The following NRG1 variants were observed in gnomAD, a reference collection of about 807,000 sequenced individuals.
The protein encoded by NRG1 is pro-neuregulin-1, membrane-bound isoform.
In NRG1, 18 loss-of-function variants were observed where a neutral mutation model predicts 63.8. That is an observed-to-expected ratio of 0.28 (90% confidence interval 0.19 to 0.42). The LOEUF is 0.42. Ranked by LOEUF, NRG1 falls within the 10% of genes least tolerant of loss-of-function variation. The pLI is 1.00. For missense variants in NRG1, 762 were observed against 814.7 expected (o/e 0.94, Z 0.79); for synonymous variants, 302 against 301.3 (o/e 1.00, Z -0.02).
chr8:31,837,717 A>G (rs1825818436), intron 1 of NRG1, among the ~76,000 whole-genome samples: 1 of 152,096 alleles, frequency 6.6e-6, no homozygotes, highest in Non-Finnish European at 1.5e-5. Flanking sequence ...ATTCTACATG[A>G]GTGAGATCAT....
At chr8:32,510,391 A>G (rs1829037000) in intron 1 of NRG1, among the ~76,000 whole-genome samples, 1 of 151,948 alleles carries the variant, frequency 6.6e-6, no homozygotes, top group Admixed American at 6.6e-5. Context: ...AAAGGAGGAA[A>G]GGAAGAAAAT....
Position 32,618,039 on chromosome 8 carries a change from G to A in NRG1, c.502+1154G>A, listed in dbSNP as rs558492196. Among the ~76,000 whole-genome samples the A allele has an allele frequency of 2.8e-4, 42 of 152,164 alleles. No homozygotes were observed. The South Asian group carries it at 5.2e-3, about 19-fold the overall frequency. ...AAACAGGAAATGAAATGCTAGAAAG[G>A]GCCAAATTAGTTTCCTATGTGTTCC... On this transcript the variant is annotated intron_variant, in intron 5 of 11. Coordinates refer to ENST00000356819, the Ensembl canonical transcript of NRG1.
intron 1 of NRG1, among the ~76,000 whole-genome samples, chr8:31,819,257 C>T (rs1217410829): frequency 6.6e-6 from 1 of 151,880 alleles, no homozygotes; most frequent in Non-Finnish European, 1.5e-5. Flanking sequence ...AAAATAAATT[C>T]GGAAAGAATT....
intron 5 of NRG1, among the ~76,000 whole-genome samples, chr8:32,678,485 A>G (rs1245102544): frequency 6.6e-6 from 1 of 152,108 alleles, no homozygotes; most frequent in African/African-American, 2.4e-5. Context: ...GTAGGAAATG[A>G]CTAGTGTTGA....
chr8:32,231,953 G>A (rs1847002164), intron 1 of NRG1, among the ~76,000 whole-genome samples: 1 of 151,782 alleles, frequency 6.6e-6, no homozygotes, highest in Non-Finnish European at 1.5e-5. Flanking sequence ...ACCCAGACTG[G>A]AGTGCAGTGG....
Position 31,702,451 on chromosome 8 carries a change from A to ATTT in NRG1, c.37+63031_37+63033dup, listed in dbSNP as rs10685166. 1.6e-3 allele frequency among the ~76,000 whole-genome samples: 241 copies of ATTT among 146,622 alleles called. 1 individual carries two copies. Among genetic ancestry groups the ATTT allele is most frequent in the Admixed American group, 5.7e-3 (84 of 14,782 alleles). ...AAAACTACCTAAAATTTCCCATAACATTTTTTTTTTTTTGCAGACTTTTCA... is the reference window on the plus strand; with the variant it reads ...AAAACTACCTAAAATTTCCCATAACATTTTTTTTTTTTTTTTGCAGACTTTTCA... On this transcript the variant is annotated intron_variant, in intron 1 of 10. Coordinates refer to the NRG1 transcript ENST00000519301.
intron 1 of NRG1, among the ~76,000 whole-genome samples, chr8:32,229,940 T>C (rs1429737612): frequency 2.0e-5 from 3 of 152,102 alleles, no homozygotes; most frequent in African/African-American, 7.2e-5. Context: ...AGAACAATCT[T>C]CAAGACAAAG....
At chr8:32,054,800 T>TA (rs1402863679) in intron 1 of NRG1, among the ~76,000 whole-genome samples, 2 of 149,678 alleles carry the variant, frequency 1.3e-5, no homozygotes, top group Non-Finnish European at 3.0e-5. Flanking sequence ...CAGGTATACC[T>TA]AAACTTGGGT....
At chr8:31,841,768 T>C (rs1018558492) in intron 1 of NRG1, among the ~76,000 whole-genome samples, 3 of 152,210 alleles carry the variant, frequency 2.0e-5, no homozygotes, top group Admixed American at 2.0e-4. Flanking sequence ...TTAATACTCA[T>C]ACCAGATTGT....
At chr8:32,116,908 G>A (rs548347179) in intron 1 of NRG1, among the ~76,000 whole-genome samples, 1 of 147,644 alleles carries the variant, frequency 6.8e-6, no homozygotes, top group East Asian at 2.0e-4. Flanking sequence ...TTGAGAAGCC[G>A]AGGTAGGATG....
intron 1 of NRG1, among the ~76,000 whole-genome samples, chr8:32,439,532 C>T (rs112861499): frequency 3.9e-5 from 6 of 152,236 alleles, no homozygotes; most frequent in African/African-American, 1.4e-4. Flanking sequence ...AGTCAGAACA[C>T]TGTCACAATC....
At chr8:32,266,275 C>T (rs1850926592) in intron 1 of NRG1, among the ~76,000 whole-genome samples, 1 of 152,098 alleles carries the variant, frequency 6.6e-6, no homozygotes, top group South Asian at 2.1e-4. Context: ...AAGATTAATC[C>T]CACCAGTGAG....
intron 1 of NRG1, among the ~76,000 whole-genome samples, chr8:31,846,661 G>T (rs1394048251): frequency 6.6e-6 from 1 of 152,180 alleles, no homozygotes; most frequent in African/African-American, 2.4e-5. Context: ...GTCATAAGGG[G>T]AGTGCACACA....
At chr8:31,768,028 T>C (rs773904239) in intron 1 of NRG1, among the ~76,000 whole-genome samples, 10 of 152,142 alleles carry the variant, frequency 6.6e-5, no homozygotes, top group Non-Finnish European at 1.3e-4. Context: ...ATCTTCTCTA[T>C]CATATTTAAG....
chr8:31,947,944 CAAAAAAAAAA>C (rs55953491), intron 1 of NRG1, among the ~76,000 whole-genome samples: 4 of 32,958 alleles, frequency 1.2e-4, no homozygotes, highest in African/African-American at 2.6e-4. Context: ...GACTCCATCT[CAAAAAAAAAA>C]AAAAAAAAAA....
rs796753495 is a variant in NRG1, at chr8:32,620,990, A to G, written c.502+4105A>G. 7.9e-5 allele frequency among the ~76,000 whole-genome samples: 12 copies of G among 152,308 alleles called. No individual in the cohort carries two copies. In the South Asian group the frequency reaches 2.5e-3, roughly 32 times the overall value. ...TATTTTATAGGTCACTGTAACAATA[A>G]AGAAATCATTCTTGACTGGAGGTTT... On this transcript the variant is annotated intron_variant, in intron 5 of 11. Transcript: ENST00000356819.
At chr8:31,690,570 G>C (rs566109533) in intron 1 of NRG1, among the ~76,000 whole-genome samples, 15 of 152,290 alleles carry the variant, frequency 9.8e-5, no homozygotes, top group African/African-American at 3.6e-4. Flanking sequence ...AAGGGTGGGA[G>C]GTGATCCGAG....
chr8:32,180,809 GT>G (rs1841353336), intron 1 of NRG1, among the ~76,000 whole-genome samples: 1 of 151,964 alleles, frequency 6.6e-6, no homozygotes, highest in Non-Finnish European at 1.5e-5. Flanking sequence ...GTGCTGCATT[GT>G]TTTTTTAACT....
At chr8:31,872,360 A>G (rs1313942640) in intron 1 of NRG1, among the ~76,000 whole-genome samples, 1 of 152,020 alleles carries the variant, frequency 6.6e-6, no homozygotes, top group South Asian at 2.1e-4. Flanking sequence ...TCTTGTTCCA[A>G]CTACATCAGA....
Sources: gnomAD v4.1 joint callset for allele counts (sites outside exome capture counted in the v4.1 genomes callset) on GRCh38, gnomAD v4.1.1 for gene constraint, MANE v1.5 for transcripts, NCBI Gene and HGNC (gene_info 2026-07-23, HGNC 2026-07-21) for gene names.